Variants in ARHGAP15 observed in about 807,000 individuals in gnomAD.
ARHGAP15 encodes the protein Rho GTPase activating protein 15, also known as rho GTPase-activating protein 15.
ARHGAP15 carries 51 observed loss-of-function variants against 63.7 expected under a neutral mutation model. The observed-to-expected ratio is 0.80, with a 90% CI of 0.64 to 1.01. The LOEUF (loss-of-function observed/expected upper bound fraction) is 1.01. Among genes scored for constraint, ARHGAP15 ranks in the 50% least tolerant of loss-of-function variants. ARHGAP15 has a pLI of 0.00. For synonymous variants in ARHGAP15, 191 were observed against 193.8 expected (o/e 0.99, Z 0.12); for missense variants, 560 against 564.6 (o/e 0.99, Z 0.08).
chr2:143,542,254 G>A (rs571869800), intron 10 of ARHGAP15, among the ~76,000 whole-genome samples: 43 of 152,124 alleles, frequency 2.8e-4, no homozygotes, highest in Admixed American at 1.3e-3. Context: ...GGAGTGACCC[G>A]ATTTCCCAGG....
chr2:143,373,794 C>CCTAGG (rs1267998716), intron 6 of ARHGAP15, among the ~76,000 whole-genome samples: 1 of 151,930 alleles, frequency 6.6e-6, no homozygotes, highest in Non-Finnish European at 1.5e-5. Context: ...ACATATAGTA[C>CCTAGG]CTAGGGTGGG....
chr2:143,303,537 A>G (rs1432696073), intron 6 of ARHGAP15, among the ~76,000 whole-genome samples: 1 of 152,224 alleles, frequency 6.6e-6, no homozygotes, highest in East Asian at 1.9e-4. Context: ...TAGGCAATAC[A>G]TTCAGGACAT....
chr2:143,420,786 T>A (rs148702942), intron 6 of ARHGAP15, among the ~76,000 whole-genome samples: 211 of 152,322 alleles, frequency 1.4e-3, no homozygotes, highest in African/African-American at 4.9e-3. Flanking sequence ...TCTGATAATG[T>A]TTATTCCACA....
intron 12 of ARHGAP15, among the ~76,000 whole-genome samples, chr2:143,652,318 T>G (rs1355172754): frequency 6.6e-6 from 1 of 152,138 alleles, no homozygotes; most frequent in South Asian, 2.1e-4. Flanking sequence ...ATAGGCAATA[T>G]GATATGACTG....
intron 6 of ARHGAP15, among the ~76,000 whole-genome samples, chr2:143,330,118 A>AAAC (rs1684463096): frequency 4.6e-4 from 28 of 60,608 alleles, no homozygotes; most frequent in Non-Finnish European, 6.4e-4. Flanking sequence ...AAAAAAAAAA[A>AAAC]AAAAAAAAAA....
intron 6 of ARHGAP15, among the ~76,000 whole-genome samples, chr2:143,279,535 A>T (rs1458440802): frequency 1.3e-5 from 2 of 152,184 alleles, no homozygotes; most frequent in African/African-American, 2.4e-5. Flanking sequence ...AGACAAATTG[A>T]TAGTAAAATC....
chr2:143,555,424 C>G (rs1695742745), intron 10 of ARHGAP15, among the ~76,000 whole-genome samples: 1 of 152,152 alleles, frequency 6.6e-6, no homozygotes, highest in African/African-American at 2.4e-5. Flanking sequence ...CTCAGCTAGT[C>G]CTGAGTGCCC....
intron 11 of ARHGAP15, among the ~76,000 whole-genome samples, chr2:143,602,430 C>T (rs1290798909): frequency 1.3e-5 from 2 of 152,050 alleles, no homozygotes; most frequent in Non-Finnish European, 2.9e-5. Flanking sequence ...AGGATGGCTC[C>T]CTGGGAAATG....
At chr2:143,612,313 G>T (rs1698287716) in intron 11 of ARHGAP15, among the ~76,000 whole-genome samples, 1 of 152,160 alleles carries the variant, frequency 6.6e-6, no homozygotes, top group South Asian at 2.1e-4. Context: ...TGGAGGACTT[G>T]TTAAATCATA....
chr2:143,363,964 A>T (rs569458211), intron 6 of ARHGAP15, among the ~76,000 whole-genome samples: 1 of 152,352 alleles, frequency 6.6e-6, no homozygotes, highest in South Asian at 2.1e-4. Context: ...ATAGATGGAG[A>T]GTGGAAGAAG....
rs539132652 is a variant in ARHGAP15 at position 143,703,405 on chromosome 2, AT to A, written c.1139-5del. On this transcript the variant is annotated splice_polypyrimidine_tract_variant and intron_variant, in intron 12 of 13. Transcript: ENST00000295095. The stretch of plus-strand genomic sequence containing the variant: ...TGTTTTTTCCCTAACCTTCCTTTTT[AT>A]TTTTTTTTCCAGAAAAGCAAGACAA... The A allele has an allele frequency of 8.1e-5, 127 of 1,561,926 alleles. No individual in the cohort carries two copies. Among genetic ancestry groups the A allele is most frequent in the Admixed American group, 2.4e-4 (13 of 54,638 alleles).
In ARHGAP15 at chr2:143,413,212, T is replaced by G. The variant is rs550887580; in HGVS notation, c.475-22389T>G. 2.1e-4 allele frequency among the ~76,000 whole-genome samples: 32 copies of G among 152,338 alleles called. 1 individual carries two copies. Among genetic ancestry groups the G allele is most frequent in the African/African-American group, 7.5e-4 (31 of 41,588 alleles). On this transcript the variant is annotated intron_variant, in intron 6 of 13. Transcript: ENST00000295095. ...ATATTTTATTCCAGAAAGAATGTGTTTCTTTTCCATTTTTTGCAGGCCCTT... is the reference window on the plus strand; with the variant it reads ...ATATTTTATTCCAGAAAGAATGTGTGTCTTTTCCATTTTTTGCAGGCCCTT...
chr2:143,487,338 T>C (rs1274794905), intron 8 of ARHGAP15, 35 bp from the exon 9 acceptor site: 1 of 1,582,312 alleles, frequency 6.3e-7, no homozygotes. Flanking sequence ...AAAGGAGAAA[T>C]TTACCAAAAG....
chr2:143,704,541 A>G (rs773251359), intron 13 of ARHGAP15, among the ~76,000 whole-genome samples: 4 of 152,172 alleles, frequency 2.6e-5, no homozygotes, highest in Non-Finnish European at 5.9e-5. Flanking sequence ...TGCAGAGAGG[A>G]ACAAGTTGAG....
At chr2:143,139,226 C>T (rs1479225325) in intron 1 of ARHGAP15, among the ~76,000 whole-genome samples, 1 of 152,106 alleles carries the variant, frequency 6.6e-6, no homozygotes, top group Non-Finnish European at 1.5e-5. Flanking sequence ...TTTTTGCCTT[C>T]CTTCCAATTT....
At chr2:143,204,278 T>C (rs1692239373) in intron 3 of ARHGAP15, among the ~76,000 whole-genome samples, 1 of 152,126 alleles carries the variant, frequency 6.6e-6, no homozygotes, top group East Asian at 1.9e-4. Context: ...ATTTTGTTTC[T>C]TATCTTAGTC....
chr2:143,536,087 A>G (rs528327201), intron 10 of ARHGAP15, among the ~76,000 whole-genome samples: 1 of 152,328 alleles, frequency 6.6e-6, no homozygotes, highest in East Asian at 1.9e-4. Flanking sequence ...ATTTTTCAGG[A>G]ATATATGTCA....
chr2:143,622,781 TAAAA>T (rs34925907), intron 11 of ARHGAP15, among the ~76,000 whole-genome samples: 38,672 of 109,438 alleles, frequency 0.35, 6,409 homozygotes, highest in East Asian at 0.65. Context: ...TTCATTTATT[TAAAA>T]AAAAAAAAAA....
chr2:143,732,215 T>TA (rs2105487387), intron 13 of ARHGAP15, among the ~76,000 whole-genome samples: 1 of 152,246 alleles, frequency 6.6e-6, no homozygotes, highest in African/African-American at 2.4e-5. Flanking sequence ...AAGTTAACAG[T>TA]AAAAATCACT....
Sources: allele counts gnomAD v4.1 joint callset (sites outside exome capture counted in the v4.1 genomes callset), GRCh38; gene constraint gnomAD v4.1.1; transcripts MANE v1.5; gene names NCBI Gene and HGNC (gene_info 2026-07-23, HGNC 2026-07-21).